Variants in BTG4 observed in about 807,000 individuals in gnomAD.
The protein encoded by BTG4 is protein BTG4.
In BTG4, 10 loss-of-function variants were observed where a neutral mutation model predicts 19.3. The observed-to-expected ratio is 0.52, with a 90% confidence interval of 0.32 to 0.88. BTG4 has a LOEUF of 0.88. BTG4 is among the 40% of genes least tolerant of loss of function. The pLI, the probability that BTG4 is intolerant of heterozygous loss-of-function variation, is 0.04. For missense variants in BTG4, 238 were observed against 281.9 expected, an observed-to-expected ratio of 0.84 and a Z score of 1.11; for synonymous variants, 91 against 95.7, an observed-to-expected ratio of 0.95 and a Z score of 0.29.
chr11:111,493,727 G>T (rs2135652107), downstream of BTG4, among the ~76,000 whole-genome samples: 2 of 152,274 alleles, frequency 1.3e-5, no homozygotes, highest in African/African-American at 4.8e-5. Flanking sequence ...TCACTTTTCA[G>T]CAGAGAAACT....
At chr11:111,399,673 G>A in the BTG4 span, among the ~76,000 whole-genome samples, 5 of 152,158 alleles carry the variant, frequency 3.3e-5, no homozygotes, top group African/African-American at 1.2e-4. Context: ...GTCTTCTAAG[G>A]GAATTGATCT....
chr11:111,475,495 T>C (rs1022149456), intron 5 of BTG4: 8 of 152,154 alleles, frequency 5.3e-5, no homozygotes, highest in Non-Finnish European at 1.2e-4. Flanking sequence ...TGATCTAGAA[T>C]GTGTACTTAA....
chr11:111,420,016 C>T, the BTG4 span, among the ~76,000 whole-genome samples: 5 of 152,092 alleles, frequency 3.3e-5, no homozygotes, highest in Non-Finnish European at 7.3e-5. Flanking sequence ...CACCCAAGGA[C>T]AGGCAGGTCC....
At chr11:111,418,779 A>T in the BTG4 span, among the ~76,000 whole-genome samples, 1 of 152,346 alleles carries the variant, frequency 6.6e-6, no homozygotes, top group African/African-American at 2.4e-5. Flanking sequence ...AACCGGAAGC[A>T]TCTAAGCCAC....
chr11:111,428,621 A>G, the BTG4 span, among the ~76,000 whole-genome samples: 1 of 152,214 alleles, frequency 6.6e-6, no homozygotes, highest in East Asian at 1.9e-4. Flanking sequence ...AGGGGACCTG[A>G]GCCCTAGGAC....
chr11:111,498,259 A>G, intron 2 of BTG4, 124 bp from the exon 3 acceptor site: 1 of 1,046,454 alleles, frequency 9.6e-7, no homozygotes, highest in Non-Finnish European at 1.4e-6. Context: ...CCTTCCCCTC[A>G]GCCTCCTCCA....
At chr11:111,386,466 A>AT in the BTG4 span, among the ~76,000 whole-genome samples, 2 of 152,278 alleles carry the variant, frequency 1.3e-5, no homozygotes, top group Admixed American at 1.3e-4. Context: ...AACTATGAAG[A>AT]TTTTCTATGG....
the BTG4 span, among the ~76,000 whole-genome samples, chr11:111,415,756 G>A: frequency 6.6e-6 from 1 of 152,156 alleles, no homozygotes; most frequent in Non-Finnish European, 1.5e-5. Context: ...GAAATACAGT[G>A]GAGGTCAGGT....
At chr11:111,402,460 A>G in the BTG4 span, among the ~76,000 whole-genome samples, 1 of 152,244 alleles carries the variant, frequency 6.6e-6, no homozygotes, top group African/African-American at 2.4e-5. Context: ...GTCAGAGAGA[A>G]CAAAATACCA....
chr11:111,472,345 C>T (rs1565442839), intron 5 of BTG4, among the ~76,000 whole-genome samples: 3 of 152,218 alleles, frequency 2.0e-5, no homozygotes, highest in Admixed American at 1.3e-4. Flanking sequence ...ATACTCTTTC[C>T]CCTAGGGCAG....
chr11:111,472,287 T>C (rs1360906167), intron 5 of BTG4, among the ~76,000 whole-genome samples: 1 of 152,224 alleles, frequency 6.6e-6, no homozygotes, highest in Non-Finnish European at 1.5e-5. Context: ...CTCCTCACTG[T>C]TCTTCAAGCA....
chr11:111,442,871 T>C, the BTG4 span, among the ~76,000 whole-genome samples: 2 of 152,214 alleles, frequency 1.3e-5, no homozygotes, highest in Non-Finnish European at 2.9e-5. Flanking sequence ...CTTACGTTAA[T>C]TTCAAATAAC....
intron 5 of BTG4, among the ~76,000 whole-genome samples, chr11:111,486,132 G>C (rs941328994): frequency 1.3e-5 from 2 of 152,128 alleles, no homozygotes; most frequent in East Asian, 1.9e-4. Flanking sequence ...GGACCTAAAG[G>C]CTTCACTGCT....
At chr11:111,439,538 A>T in the BTG4 span, among the ~76,000 whole-genome samples, 1 of 151,582 alleles carries the variant, frequency 6.6e-6, no homozygotes, top group South Asian at 2.1e-4. Context: ...TTACAGAAAC[A>T]TTCATCCCCA....
downstream of BTG4, among the ~76,000 whole-genome samples, chr11:111,491,065 A>T (rs546660447): frequency 6.6e-5 from 10 of 152,380 alleles, no homozygotes; most frequent in Admixed American, 5.2e-4. Flanking sequence ...CTACCAATAC[A>T]TGCAGCAACC....
chr11:111,510,206 G>A lies in BTG4; in HGVS notation c.-27+1975C>T, dbSNP rs138658065. 4.6e-4 allele frequency among the ~76,000 whole-genome samples: 70 copies of A among 151,950 alleles called. No homozygotes were observed. In the East Asian group the frequency reaches 0.011, roughly 24 times the overall value. Reference sequence around the variant, plus strand: ...ATTACAGGTGTGAGCCACAACCCCCGGCCTGTCTCCACCTTTTCTAATTCC... The same window carrying A: ...ATTACAGGTGTGAGCCACAACCCCCAGCCTGTCTCCACCTTTTCTAATTCC... On this transcript the variant is annotated intron_variant, in intron 1 of 4. Coordinates refer to ENST00000692032, the MANE Select transcript of BTG4 (RefSeq NM_001367975.1).
chr11:111,514,521 A>C (rs975372631), upstream of BTG4: 1 of 463,266 alleles, frequency 2.2e-6, no homozygotes, highest in African/African-American at 2.1e-5. Flanking sequence ...AAGCTAAACT[A>C]CTCCCCCACT....
the BTG4 span, among the ~76,000 whole-genome samples, chr11:111,404,248 C>A: frequency 2.6e-5 from 4 of 152,174 alleles, no homozygotes; most frequent in African/African-American, 7.2e-5. Flanking sequence ...ACTGTGAGTC[C>A]ATTAAACCTC....
chr11:111,460,892 C>T, the BTG4 span, among the ~76,000 whole-genome samples: 1 of 152,084 alleles, frequency 6.6e-6, no homozygotes, highest in South Asian at 2.1e-4. Flanking sequence ...CAGTCAACAC[C>T]CCCATGGCAT....
Sources: allele counts gnomAD v4.1 joint callset (sites outside exome capture counted in the v4.1 genomes callset), GRCh38; gene constraint gnomAD v4.1.1; transcripts MANE v1.5; gene names NCBI Gene and HGNC (gene_info 2026-07-23, HGNC 2026-07-21).